Variants in KDM4B observed in about 807,000 individuals in gnomAD.
KDM4B encodes lysine demethylase 4B.
Under a neutral mutation model 125.2 loss-of-function variants are expected in KDM4B, and 32 were observed. The ratio of observed to expected loss-of-function variants is 0.26; its 90% CI spans 0.19 to 0.34. The LOEUF is 0.34. Among genes scored for constraint, KDM4B ranks in the 10% least tolerant of loss-of-function variants. KDM4B has a pLI of 1.00. For synonymous variants in KDM4B, 721 were observed against 677.9 expected, an observed-to-expected ratio of 1.06 and a Z score of -0.99; for missense variants, 1,190 against 1,577.7, an observed-to-expected ratio of 0.75 and a Z score of 4.16.
At chr19:4,990,734 C>G (rs768117147) in intron 1 of KDM4B, among the ~76,000 whole-genome samples, 1 of 152,218 alleles carries the variant, frequency 6.6e-6, no homozygotes, top group Non-Finnish European at 1.5e-5. Flanking sequence ...AATTCTAACA[C>G]TGTGCATTTT....
At chr19:5,043,096 C>T (rs1170945682) in intron 5 of KDM4B, among the ~76,000 whole-genome samples, 1 of 151,478 alleles carries the variant, frequency 6.6e-6, no homozygotes, top group South Asian at 2.1e-4. Context: ...GCGGGGGTGT[C>T]CCCCTTATCC....
intron 11 of KDM4B, among the ~76,000 whole-genome samples, chr19:5,128,926 C>G (rs2039496926): frequency 6.6e-6 from 1 of 151,830 alleles, no homozygotes; most frequent in African/African-American, 2.4e-5. Flanking sequence ...GCGCTCCCTG[C>G]AAGGCCAGAC....
intron 2 of KDM4B, among the ~76,000 whole-genome samples, chr19:5,018,070 A>T (rs1389648128): frequency 9.8e-6 from 1 of 102,532 alleles, no homozygotes; most frequent in African/African-American, 3.8e-5. Context: ...GCAGGGTCTC[A>T]CTCTGTCACC....
At chr19:5,023,749 T>C (rs1398888494) in intron 2 of KDM4B, among the ~76,000 whole-genome samples, 1 of 146,364 alleles carries the variant, frequency 6.8e-6, no homozygotes, top group Non-Finnish European at 1.5e-5. Context: ...CCATGCACTG[T>C]CTTTTTGAAT....
intron 11 of KDM4B, among the ~76,000 whole-genome samples, chr19:5,123,839 C>T (rs559786439): frequency 2.6e-5 from 4 of 152,118 alleles, no homozygotes; most frequent in Non-Finnish European, 4.4e-5. Context: ...ATTCTGGAGA[C>T]GGTGAGCCCC....
intron 21 of KDM4B, among the ~76,000 whole-genome samples, chr19:5,148,211 G>T (rs78236470): frequency 0.012 from 1,895 of 152,364 alleles, 17 homozygotes; most frequent in Middle Eastern, 0.041. Context: ...TTCTCAAAAT[G>T]TTAAAAAGCA....
In KDM4B at chr19:5,119,717, G is replaced by A; in HGVS notation, c.1180G>A (p.Gly394Ser). 6.4e-7 allele frequency: 1 copy of A among 1,552,566 alleles called. No individual in the cohort carries two copies. The highest frequency in any genetic ancestry group is 8.7e-7 in the Non-Finnish European group (1 of 1,147,806). Residue 394 changes from glycine to serine, a missense_variant, in exon 11 of 23, where the codon GGT becomes AGT. Gly to Ser is a moderately conservative substitution (Grantham distance 56). Coordinates refer to ENST00000159111, the MANE Select transcript of KDM4B (RefSeq NM_015015.3). ...CGAAGACCCCAAGTTCCCTGGGGAG[G>A]GTACGGCTGGGGCAGCGCTCCTAGA... ...KPEDPKFPGE[G>S]TAGAALLEEA...
intron 12 of KDM4B, 35 bp downstream of exon 12, chr19:5,131,580 G>A (rs1360268787): frequency 1.6e-5 from 10 of 619,248 alleles, no homozygotes; most frequent in Admixed American, 3.3e-5. Context: ...GAGGAGGGGG[G>A]CAGGTGGGGT....
intron 13 of KDM4B, among the ~76,000 whole-genome samples, 178 bp downstream of exon 13, chr19:5,132,185 G>A (rs192535197): frequency 6.6e-5 from 10 of 152,300 alleles, no homozygotes; most frequent in African/African-American, 2.4e-4. Context: ...GCAGGTGGTC[G>A]TGCGGGGAGG....
Position 4,976,371 on chromosome 19 carries a change from TACAA to T in KDM4B, c.-109+7145_-109+7148del, listed in dbSNP as rs533603113. ...CACCATAAAGGAGGGAAAAAACAGCTACAAACAGTGTAGGTGGGGGGAACGCTTC... is the reference window on the plus strand; with the variant it reads ...CACCATAAAGGAGGGAAAAAACAGCTACAGTGTAGGTGGGGGGAACGCTTC... On this transcript the variant is annotated intron_variant, in intron 1 of 22. Coordinates refer to ENST00000159111, the MANE Select transcript of KDM4B (RefSeq NM_015015.3). 9.7e-4 allele frequency among the ~76,000 whole-genome samples: 148 copies of T among 151,860 alleles called. No individual in the cohort carries two copies. In the Middle Eastern group the frequency reaches 0.01, roughly 10 times the overall value.
chr19:5,096,647 C>T (rs1446121068), intron 9 of KDM4B, among the ~76,000 whole-genome samples: 1 of 149,854 alleles, frequency 6.7e-6, no homozygotes, highest in African/African-American at 2.5e-5. Flanking sequence ...GTTGCCATGG[C>T]GCCTGCCTGG....
chr19:4,990,981 C>T (rs1158018701), intron 1 of KDM4B, among the ~76,000 whole-genome samples: 3 of 151,830 alleles, frequency 2.0e-5, no homozygotes, highest in African/African-American at 4.8e-5. Flanking sequence ...ATTAGCTGGG[C>T]GTGATGGCGG....
chr19:4,969,701 G>A (rs1379432484), intron 1 of KDM4B, among the ~76,000 whole-genome samples: 1 of 151,880 alleles, frequency 6.6e-6, no homozygotes, highest in Admixed American at 6.6e-5. Context: ...TGCGTTTCTG[G>A]CCCTTTGGGC....
intron 9 of KDM4B, among the ~76,000 whole-genome samples, chr19:5,086,434 C>T (rs574254739): frequency 7.9e-5 from 12 of 152,286 alleles, no homozygotes; most frequent in East Asian, 3.9e-4. Flanking sequence ...CTGTGACAGC[C>T]GGACGAAACT....
chr19:5,111,836 A>G, intron 10 of KDM4B: 1 of 764,948 alleles, frequency 1.3e-6, no homozygotes, highest in Admixed American at 1.7e-5. Context: ...CTTGCAGATG[A>G]TAGACAGCGA....
chr19:5,051,162 G>A (rs2037210659), intron 6 of KDM4B, among the ~76,000 whole-genome samples: 1 of 152,238 alleles, frequency 6.6e-6, no homozygotes, highest in South Asian at 2.1e-4. Context: ...AGAGTTCCAG[G>A]CCGGGGTGGG....
chr19:5,016,680 C>T (rs1161467584), intron 2 of KDM4B, among the ~76,000 whole-genome samples: 2 of 152,240 alleles, frequency 1.3e-5, no homozygotes, highest in East Asian at 1.9e-4. Context: ...CTGTCTGCAT[C>T]GGCCCTGGGG....
At chr19:5,088,532 G>T (rs1029723467) in intron 9 of KDM4B, among the ~76,000 whole-genome samples, 3 of 152,070 alleles carry the variant, frequency 2.0e-5, no homozygotes, top group Non-Finnish European at 4.4e-5. Flanking sequence ...AGCTCCACCC[G>T]TGATAAGTAG....
At chr19:5,087,734 CTCTGCAGCGG>C (rs2038552467) in intron 9 of KDM4B, among the ~76,000 whole-genome samples, 1 of 152,224 alleles carries the variant, frequency 6.6e-6, no homozygotes, top group Admixed American at 6.5e-5. Flanking sequence ...GGCGGCTGAG[CTCTGCAGCGG>C]TCTGCAGCCT....
Sources: gnomAD v4.1 joint callset for allele counts (sites outside exome capture counted in the v4.1 genomes callset) on GRCh38, gnomAD v4.1.1 for gene constraint, MANE v1.5 for transcripts, NCBI Gene and HGNC (gene_info 2026-07-23, HGNC 2026-07-21) for gene names.